IL1RAPL1: variants seen among roughly 807,000 people sequenced by gnomAD.
IL1RAPL1 encodes the protein interleukin 1 receptor accessory protein like 1, also known as interleukin-1 receptor accessory protein-like 1.
A neutral mutation model predicts 48.4 loss-of-function variants in IL1RAPL1; 3 were observed. The ratio of observed to expected loss-of-function variants is 0.06; its 90% CI spans 0.03 to 0.16. The LOEUF (loss-of-function observed/expected upper bound fraction) is 0.16. Among genes scored for constraint, IL1RAPL1 ranks in the 10% least tolerant of loss-of-function variants. IL1RAPL1 has a pLI of 1.00. For synonymous variants in IL1RAPL1, 185 were observed against 187.7 expected, an observed-to-expected ratio of 0.99 and a Z score of 0.12; for missense variants, 349 against 530.6, an observed-to-expected ratio of 0.66 and a Z score of 3.36.
chrX:29,815,682 T>C (rs1930476088), intron 6 of IL1RAPL1, among the ~76,000 whole-genome samples: 1 of 110,972 alleles, frequency 9.0e-6, no homozygotes, highest in Non-Finnish European at 1.9e-5. Context: ...TGCTTCCAGC[T>C]TTTGCCTGTT....
intron 1 of IL1RAPL1, among the ~76,000 whole-genome samples, chrX:28,617,598 T>C (rs774327101): frequency 1.1e-4 from 12 of 111,988 alleles, no homozygotes; most frequent in Middle Eastern, 9.3e-3. Flanking sequence ...GCAATCCTCA[T>C]TGATAAAGCT....
intron 3 of IL1RAPL1, among the ~76,000 whole-genome samples, chrX:29,365,805 G>A (rs1356804697): frequency 8.3e-5 from 9 of 108,139 alleles, no homozygotes; most frequent in East Asian, 3.0e-4. Context: ...TTGGGAGGCC[G>A]AGGCGGGTGG....
chrX:28,626,402 C>CT (rs1201431734), intron 1 of IL1RAPL1, among the ~76,000 whole-genome samples: 1 of 112,014 alleles, frequency 8.9e-6, no homozygotes, highest in East Asian at 2.8e-4. Context: ...CTTTTTCTCT[C>CT]TTTTTTTAAA....
intron 5 of IL1RAPL1, among the ~76,000 whole-genome samples, chrX:29,594,162 T>A (rs1295946774): frequency 1.8e-5 from 2 of 112,404 alleles, no homozygotes; most frequent in Non-Finnish European, 3.8e-5. Flanking sequence ...GGCTTATCTT[T>A]CTTTTTGTCT....
chrX:29,199,548 T>C (rs1353566247), intron 2 of IL1RAPL1, among the ~76,000 whole-genome samples: 11 of 111,470 alleles, frequency 9.9e-5, no homozygotes, highest in Non-Finnish European at 2.1e-4. Context: ...GGGGTGAAAC[T>C]GTTCCACCTC....
rs896543708 is a variant in IL1RAPL1 at position 29,860,683 on chromosome X, A to T, written c.779-56781A>T. ...CTTCATCCATGTCCCTGCAAAGGAC[A>T]TGAACTCATCGGTTTCTATGGCTGC... On this transcript the variant is annotated intron_variant, in intron 6 of 10. Coordinates refer to ENST00000378993, the MANE Select transcript of IL1RAPL1 (RefSeq NM_014271.4). Among the ~76,000 whole-genome samples, 3 of 112,085 alleles carry T rather than the reference A, an allele frequency of 2.7e-5. No individual in the cohort carries two copies. The South Asian group carries it at 1.1e-3, about 42-fold the overall frequency.
At chrX:28,826,583 A>G (rs1936996678) in intron 2 of IL1RAPL1, among the ~76,000 whole-genome samples, 1 of 111,447 alleles carries the variant, frequency 9.0e-6, no homozygotes, top group African/African-American at 3.3e-5. Context: ...ATCCCCTTGC[A>G]ACAGAGAAAG....
intron 1 of IL1RAPL1, among the ~76,000 whole-genome samples, chrX:28,701,309 A>G (rs1200705768): frequency 8.9e-6 from 1 of 112,284 alleles, no homozygotes; most frequent in African/African-American, 3.2e-5. Flanking sequence ...TCCATGGAAC[A>G]TGGTATATGT....
chrX:29,558,748 G>C (rs1389896301), intron 5 of IL1RAPL1, among the ~76,000 whole-genome samples: 4 of 111,515 alleles, frequency 3.6e-5, no homozygotes, highest in African/African-American at 1.3e-4. Flanking sequence ...ATTTTTTTGA[G>C]TGTGGATATA....
intron 9 of IL1RAPL1, among the ~76,000 whole-genome samples, chrX:29,942,073 AGAGTGT>A (rs1234277766): frequency 4.7e-4 from 53 of 112,322 alleles, no homozygotes; most frequent in African/African-American, 1.6e-3. Flanking sequence ...CAATGCCATC[AGAGTGT>A]TCCTTTTCTC....
chrX:29,277,805 G>A (rs1033209042), intron 2 of IL1RAPL1, among the ~76,000 whole-genome samples: 5 of 112,049 alleles, frequency 4.5e-5, no homozygotes, highest in African/African-American at 1.6e-4. Flanking sequence ...TCTTGGAAAT[G>A]GGACCCAAGT....
chrX:28,759,406 A>G (rs1232911043), intron 1 of IL1RAPL1, among the ~76,000 whole-genome samples: 2 of 110,770 alleles, frequency 1.8e-5, no homozygotes, highest in Non-Finnish European at 3.8e-5. Flanking sequence ...CATCATTCCC[A>G]TAAGTTGGGA....
intron 1 of IL1RAPL1, among the ~76,000 whole-genome samples, chrX:28,723,823 CT>C (rs1329125756): frequency 5.4e-5 from 6 of 111,908 alleles, no homozygotes; most frequent in Admixed American, 9.5e-5. Flanking sequence ...CAAAGAACAT[CT>C]TTATTTCTGC....
At chrX:28,811,695 G>C (rs934960784) in intron 2 of IL1RAPL1, among the ~76,000 whole-genome samples, 2 of 110,924 alleles carry the variant, frequency 1.8e-5, no homozygotes, top group African/African-American at 6.5e-5. Flanking sequence ...TTACGAATAT[G>C]TTCAGACCCA....
intron 5 of IL1RAPL1, among the ~76,000 whole-genome samples, chrX:29,612,440 C>T (rs1299611379): frequency 9.1e-6 from 1 of 110,288 alleles, no homozygotes; most frequent in East Asian, 2.8e-4. Context: ...ATTAGAACTA[C>T]AATGAAAGAG....
intron 6 of IL1RAPL1, among the ~76,000 whole-genome samples, chrX:29,877,566 T>G (rs66953022): frequency 0.064 from 7,118 of 111,726 alleles, 441 homozygotes; most frequent in East Asian, 0.38. Context: ...TATGTTAACC[T>G]AGAAAAAGAA....
At chrX:29,912,810 AG>A (rs1158618858) in intron 6 of IL1RAPL1, among the ~76,000 whole-genome samples, 1 of 112,259 alleles carries the variant, frequency 8.9e-6, no homozygotes, top group Non-Finnish European at 1.9e-5. Context: ...CATTGGCCAA[AG>A]GTACAAACAC....
chrX:29,474,536 T>C (rs1406443746), intron 5 of IL1RAPL1, among the ~76,000 whole-genome samples: 1 of 112,018 alleles, frequency 8.9e-6, no homozygotes, highest in African/African-American at 3.2e-5. Context: ...AGAGGTTTAA[T>C]TGGCTCACAG....
At position 29,505,436 on chromosome X, in the gene IL1RAPL1, A is replaced by G. The variant is rs747837884; in HGVS notation, c.703+106128A>G. ...CATTTCTTATTAAACAGATCGGGTCATGGTTAATTCTCTCAACTTTTGTTT... is the reference window on the plus strand; with the variant it reads ...CATTTCTTATTAAACAGATCGGGTCGTGGTTAATTCTCTCAACTTTTGTTT... On this transcript the variant is annotated intron_variant, in intron 5 of 10. Transcript: ENST00000378993. Among the ~76,000 whole-genome samples the G allele has an allele frequency of 2.0e-4, 22 of 111,647 alleles. No homozygotes were observed. In the East Asian group the frequency reaches 2.2e-3, roughly 11 times the overall value.
Sources: allele counts gnomAD v4.1 joint callset (sites outside exome capture counted in the v4.1 genomes callset), GRCh38; gene constraint gnomAD v4.1.1; transcripts MANE v1.5; gene names NCBI Gene and HGNC (gene_info 2026-07-23, HGNC 2026-07-21).